Variants in DLX2 observed in about 807,000 individuals in gnomAD.
The protein encoded by DLX2 is homeobox protein DLX-2.
DLX2 carries 8 observed loss-of-function variants against 27.4 expected under a neutral mutation model. That is an observed-to-expected ratio of 0.29 (90% CI 0.17 to 0.53). The LOEUF (loss-of-function observed/expected upper bound fraction) is 0.53, where lower values mean the gene tolerates loss of function less well. Ranked by LOEUF, DLX2 falls within the 20% of genes least tolerant of loss-of-function variation. The probability of loss-of-function intolerance (pLI) is 0.96; values close to 1 mark genes in which losing one functional copy is unlikely to be tolerated. For missense variants in DLX2, 421 were observed against 450.9 expected (o/e 0.93, Z 0.60); for synonymous variants, 210 against 200.8 (o/e 1.05, Z -0.39).
intron 2 of DLX2, 151 bp downstream of exon 2, chr2:172,101,311 C>T: frequency 1.1e-6 from 1 of 948,120 alleles, no homozygotes; most frequent in Admixed American, 2.9e-5. Flanking sequence ...AGCTTTGGGC[C>T]TAGAAGCTTA....
Position 172,100,414 on chromosome 2 carries a change from C to A in DLX2, c.*129G>T. ...GGGAGTGAGCAGGGCCTGAGACGGG[C>A]CACTGCAGGTCGCAGCCTGCAGGAG... On this transcript the variant is annotated 3_prime_UTR_variant, in exon 3 of 3. Coordinates refer to ENST00000234198, the MANE Select transcript of DLX2 (RefSeq NM_004405.4). The surrounding 1 kb of genome is among the most constrained non-coding windows in gnomAD (Gnocchi z 4.5). 2 of 1,044,658 alleles carry A rather than the reference C, an allele frequency of 1.9e-6. No homozygotes were observed. The highest frequency in any genetic ancestry group is 1.8e-5 in the South Asian group (1 of 55,898). The allele number at this position is 1,044,658 out of a possible 1,614,324, so 64.7% of individuals were successfully genotyped here.
rs1458417247 is a variant in DLX2, at chr2:172,100,820, G to C, written c.710C>G (p.Ala237Gly). 2 of 1,610,284 alleles carry C rather than the reference G, an allele frequency of 1.2e-6. No homozygotes were observed. The highest frequency in any genetic ancestry group is 1.7e-6 in the Non-Finnish European group (2 of 1,178,718). Residue 237 changes from alanine to glycine, a missense_variant, in exon 3 of 3, where the codon GCG (alanine) becomes GGG (glycine). Ala to Gly is a moderately conservative substitution (Grantham distance 60, BLOSUM62 0). Coordinates refer to ENST00000234198, the MANE Select transcript of DLX2 (RefSeq NM_004405.4). This position sits in a 1 kb window ranked among gnomAD's most constrained non-coding sequence, Gnocchi z 4.5. ...CACACCAAAGTCCCAGGAGGCCGGCGCTGAGACTGGCGGCGAAGCACAAGG... is the reference window on the plus strand; with the variant it reads ...CACACCAAAGTCCCAGGAGGCCGGCCCTGAGACTGGCGGCGAAGCACAAGG... Reference protein sequence around the residue: ...SPPCASPPVSAPASWDFGVPQ... With the variant: ...SPPCASPPVSGPASWDFGVPQ...
Position 172,100,505 on chromosome 2 carries a change from G to A in DLX2, c.*38C>T, listed in dbSNP as rs756503007. 1 of 1,514,844 alleles carries A rather than the reference G, an allele frequency of 6.6e-7. No individual in the cohort carries two copies. The highest frequency in any genetic ancestry group is 8.8e-7 in the Non-Finnish European group (1 of 1,138,218). 93.8% of individuals were successfully genotyped at this position (1,514,844 alleles called of 1,614,324 possible). On this transcript the variant is annotated 3_prime_UTR_variant, in exon 3 of 3. Transcript: ENST00000234198. The surrounding 1 kb of genome is among the most constrained non-coding windows in gnomAD (Gnocchi z 4.5). ...CTCGGGGTAAGCAATGAGGATAAGT[G>A]GTCTCTGCTCTCAGTCTCTGGCGAG... is the stretch of plus-strand genomic sequence containing the variant.
chr2:172,099,993 G>A lies in DLX2; in HGVS notation c.*550C>T, dbSNP rs1377209229. 1.3e-5 allele frequency: 2 copies of A among 152,436 alleles called. No individual in the cohort carries two copies. The highest frequency in any genetic ancestry group is 2.9e-5 in the Non-Finnish European group (2 of 68,136). The allele number at this position is 152,436 out of a possible 1,614,324, so 9.4% of individuals were successfully genotyped here. A position where few individuals can be genotyped will look rare whatever the true frequency, so the allele number is the denominator to read the frequency against. ...GGAGCGCGGTGGGGGTAAGATAAGGGATGGGGGCTCCGAGGGCTGGGAACT... is the reference window on the plus strand; with the variant it reads ...GGAGCGCGGTGGGGGTAAGATAAGGAATGGGGGCTCCGAGGGCTGGGAACT... On this transcript the variant is annotated 3_prime_UTR_variant, in exon 3 of 3. Coordinates refer to ENST00000234198, the MANE Select transcript of DLX2 (RefSeq NM_004405.4).
Position 172,102,200 on chromosome 2 carries a change from G to A in DLX2, c.339C>T (p.Thr113=). ...AGGGAGCGTAGGAGGTGTAGGCGGC[G>A]GTGTAGCCCAGGTCATAGCTGCTCT... The part of the protein sequence containing the change: ...SAKSSYDLGY[T]AAYTSYAPYG... Residue 113 remains threonine (T), a synonymous_variant, in exon 1 of 3, where the codon ACC becomes ACT. Transcript: ENST00000234198. The A allele has an allele frequency of 1.2e-6, 2 of 1,614,210 alleles. No homozygotes were observed. The highest frequency in any genetic ancestry group is 1.3e-5 in the African/African-American group (1 of 75,060).
At position 172,101,590 on chromosome 2, in the gene DLX2, G is replaced by T; in HGVS notation, c.457C>A (p.Arg153=). The T allele has an allele frequency of 1.2e-6, 2 of 1,614,218 alleles. No homozygotes were observed. The highest frequency in any genetic ancestry group is 1.7e-6 in the Non-Finnish European group (2 of 1,180,030). ...CTGGAGTAGATGGTGCGGGGTTTCC[G>T]GACTTTCTTTGGCTTCCCGTTCACT... is the stretch of plus-strand genomic sequence containing the variant. ...RIVNGKPKKV[R]KPRTIYSSFQ... is the part of the protein sequence containing the mutation. The change falls in exon 2 of 3, where the codon CGG becomes AGG. Residue 153 remains arginine (R), a synonymous_variant. Transcript: ENST00000234198.
rs1175079445 is a variant in DLX2, at chr2:172,102,418, T to C, written c.121A>G (p.Ser41Gly). The C allele has an allele frequency of 1.9e-6, 3 of 1,549,916 alleles. No homozygotes were observed. In the East Asian group the frequency reaches 7.3e-5, roughly 38 times the overall value. Residue 41 changes from serine (S) to glycine (G), a missense_variant, in exon 1 of 3, where the codon AGC becomes GGC. This residue lies in a region of DLX2 where 53 missense variants were observed against 59.5 expected (regional missense o/e 0.89). Transcript: ENST00000234198. ...TTGTGGAGGCTGCTGCTGCTGCTGC[T>C]GTTGCCACCCGGGCCGGCGCCGCCG... ...SGGGAGPGGN[S>G]SSSSSLHKPQ...
At chr2:172,101,716 C>A in intron 1 of DLX2, 70 bp from the exon 2 acceptor site, 1 of 1,495,412 alleles carries the variant, frequency 6.7e-7, no homozygotes. Flanking sequence ...CCTAGAGGGC[C>A]CGGCGGGGGG....
In DLX2 at chr2:172,102,285, G is replaced by C; in HGVS notation, c.254C>G (p.Ala85Gly). Residue 85 changes from alanine (A) to glycine (G), a missense_variant, in exon 1 of 3, where the codon GCG (alanine) becomes GGG (glycine). Physicochemically the swap from Ala to Gly is moderately conservative, Grantham distance 60. Transcript: ENST00000234198. Reference protein sequence around the residue: ...GGGGGGGSPYAHMGSYQYQAS... With the variant: ...GGGGGGGSPYGHMGSYQYQAS... Reference sequence around the variant, plus strand: ...TTGGTACTGGTAGGAACCCATGTGCGCGTAGGGCGAGCCCCCGCCGCCGCC... The same window carrying C: ...TTGGTACTGGTAGGAACCCATGTGCCCGTAGGGCGAGCCCCCGCCGCCGCC... 6.2e-7 allele frequency: 1 copy of C among 1,612,982 alleles called. No homozygotes were observed. Among genetic ancestry groups the C allele is most frequent in the African/African-American group, 1.3e-5 (1 of 75,022 alleles).
At chr2:172,101,709 A>AG in intron 1 of DLX2, 63 bp from the exon 2 acceptor site, 1 of 1,503,754 alleles carries the variant, frequency 6.7e-7, no homozygotes, top group Non-Finnish European at 9.1e-7. Flanking sequence ...CCGCCCTCCT[A>AG]GAGGGCCCGG....
In DLX2 at chr2:172,100,987, T is replaced by C. The variant is rs1478109742; in HGVS notation, c.586-43A>G. 6.3e-7 allele frequency: 1 copy of C among 1,588,428 alleles called. No individual in the cohort carries two copies. On this transcript the variant is annotated intron_variant, in intron 2 of 2. Transcript: ENST00000234198. This position sits in a 1 kb window ranked among gnomAD's most constrained non-coding sequence, Gnocchi z 4.5. ...TGAGCATTAGTGGAGGAACCTAGTCTTGGGGCAGTAGGGGTTCGAAGAGGA... is the reference window on the plus strand; with the variant it reads ...TGAGCATTAGTGGAGGAACCTAGTCCTGGGGCAGTAGGGGTTCGAAGAGGA...
Position 172,100,216 on chromosome 2 carries a change from C to T in DLX2, c.*327G>A, listed in dbSNP as rs1691127138. ...CATCTCCCGGGACCCAGCTCTCAGC[C>T]CGGGGCGAGGAAGGCGCCAGACAGG... is the stretch of plus-strand genomic sequence containing the variant. On this transcript the variant is annotated 3_prime_UTR_variant, in exon 3 of 3. Coordinates refer to ENST00000234198, the MANE Select transcript of DLX2 (RefSeq NM_004405.4). The surrounding 1 kb of genome is among the most constrained non-coding windows in gnomAD (Gnocchi z 4.5). The T allele has an allele frequency of 3.6e-6, 1 of 275,558 alleles. No individual in the cohort carries two copies. Among genetic ancestry groups the T allele is most frequent in the Non-Finnish European group, 6.7e-6 (1 of 148,182 alleles). The allele number at this position is 275,558 out of a possible 1,614,324, so 17.1% of individuals were successfully genotyped here.
Position 172,099,761 on chromosome 2 carries a change from T to A in DLX2, c.*782A>T, listed in dbSNP as rs1402226304. On this transcript the variant is annotated 3_prime_UTR_variant, in exon 3 of 3. Transcript: ENST00000234198. ...TGCACAGACACCTTTATTTACAAAC[T>A]CTGTGTCCAAGTCCAGGCTAATAAT... The A allele has an allele frequency of 6.6e-6, 1 of 152,606 alleles. No individual in the cohort carries two copies. Among genetic ancestry groups the A allele is most frequent in the Non-Finnish European group, 1.5e-5 (1 of 68,036 alleles). 9.5% of individuals were successfully genotyped at this position (152,606 alleles called of 1,614,324 possible). A position where few individuals can be genotyped will look rare whatever the true frequency, so the allele number is the denominator to read the frequency against.
chr2:172,100,580 C>T lies in DLX2; in HGVS notation c.950G>A (p.Gly317Asp). 1 of 1,577,936 alleles carries T rather than the reference C, an allele frequency of 6.3e-7. No individual in the cohort carries two copies. Among genetic ancestry groups the T allele is most frequent in the East Asian group, 2.4e-5 (1 of 41,724 alleles). ...CCCCGCGCTCACCGGGGCGCCCCCG[C>T]CGCCGTGATGGTGGTGGTGGTGATG... ...QPHHHHHHHG[G>D]GGAPVSAGTI... Residue 317 changes from glycine to aspartate, a missense_variant, in exon 3 of 3, where the codon GGC (glycine) becomes GAC (aspartate). Around this residue, in one of 5 missense-constraint regions of DLX2, gnomAD observed 185 missense variants for 171.1 expected, o/e 1.08. Coordinates refer to ENST00000234198, the MANE Select transcript of DLX2 (RefSeq NM_004405.4). This position sits in a 1 kb window ranked among gnomAD's most constrained non-coding sequence, Gnocchi z 4.5.
chr2:172,102,817 G>T lies in DLX2; in HGVS notation c.-279C>A. On this transcript the variant is annotated 5_prime_UTR_variant, in exon 1 of 3. Coordinates refer to ENST00000234198, the MANE Select transcript of DLX2 (RefSeq NM_004405.4). Reference sequence around the variant, plus strand: ...CGGGCTCTGGCGGGGGGCGGGCAGTGGAGGGGGCAGGGGTGGCTGGGCCGG... The same window carrying T: ...CGGGCTCTGGCGGGGGGCGGGCAGTTGAGGGGGCAGGGGTGGCTGGGCCGG... 2.4e-6 allele frequency: 1 copy of T among 418,150 alleles called. No individual in the cohort carries two copies. Among genetic ancestry groups the T allele is most frequent in the African/African-American group, 2.1e-5 (1 of 47,206 alleles). The allele number at this position is 418,150 out of a possible 1,614,324, so 25.9% of individuals were successfully genotyped here.
In DLX2 at chr2:172,102,729, C is replaced by A. The variant is rs1306497838; in HGVS notation, c.-191G>T. ...GATCACCGTGCGCTGCTCGGGACAG[C>A]TGCCTCTGGTCGCATCCTCTTTCGG... On this transcript the variant is annotated 5_prime_UTR_variant, in exon 1 of 3. Coordinates refer to ENST00000234198, the MANE Select transcript of DLX2 (RefSeq NM_004405.4). The A allele has an allele frequency of 3.5e-6, 2 of 564,170 alleles. No individual in the cohort carries two copies. Among genetic ancestry groups the A allele is most frequent in the Non-Finnish European group, 6.0e-6 (2 of 332,518 alleles). 34.9% of individuals were successfully genotyped at this position (564,170 alleles called of 1,614,324 possible).
chr2:172,100,743 C>G lies in DLX2; in HGVS notation c.787G>C (p.Gly263Arg), dbSNP rs538274009. The G allele has an allele frequency of 1.1e-5, 17 of 1,549,770 alleles. No individual in the cohort carries two copies. Among genetic ancestry groups the G allele is most frequent in the Non-Finnish European group, 1.4e-5 (16 of 1,152,142 alleles). ...GGPGSGGSGA[G>R]SSGSSPSSAA... ...CTGCTCGGGCTGGAGCCCGAGCTGCCGGCGCCGCTGCCGCCACTGCCCGGA... is the reference window on the plus strand; with the variant it reads ...CTGCTCGGGCTGGAGCCCGAGCTGCGGGCGCCGCTGCCGCCACTGCCCGGA... The change falls in exon 3 of 3, where the codon GGC (glycine) becomes CGC (arginine). Residue 263 changes from glycine (G) to arginine (R), a missense_variant. Around this residue, in one of 5 missense-constraint regions of DLX2, gnomAD observed 185 missense variants for 171.1 expected, o/e 1.08. Coordinates refer to ENST00000234198, the MANE Select transcript of DLX2 (RefSeq NM_004405.4). This position sits in a 1 kb window ranked among gnomAD's most constrained non-coding sequence, Gnocchi z 4.5.
Position 172,099,624 on chromosome 2 carries a change from A to G in DLX2, c.*919T>C, listed in dbSNP as rs1184152524. 2 of 152,574 alleles carry G rather than the reference A, an allele frequency of 1.3e-5. No homozygotes were observed. Among genetic ancestry groups the G allele is most frequent in the Non-Finnish European group, 2.9e-5 (2 of 68,022 alleles). The allele number at this position is 152,574 out of a possible 1,614,324, so 9.5% of individuals were successfully genotyped here. Reference sequence around the variant, plus strand: ...CTGAAATGTTTTTAAAGGAAAAAATAAAAAGGAGGGGTTGCTGAGGTCACT... The same window carrying G: ...CTGAAATGTTTTTAAAGGAAAAAATGAAAAGGAGGGGTTGCTGAGGTCACT... On this transcript the variant is annotated 3_prime_UTR_variant, in exon 3 of 3. Coordinates refer to ENST00000234198, the MANE Select transcript of DLX2 (RefSeq NM_004405.4).
intron 2 of DLX2, 127 bp downstream of exon 2, chr2:172,101,335 G>T: frequency 8.8e-7 from 1 of 1,135,220 alleles, no homozygotes; most frequent in Non-Finnish European, 1.2e-6. Flanking sequence ...AGGGCCGCTC[G>T]AGGCGCAGGC....
Sources: allele counts gnomAD v4.1 joint callset, GRCh38; gene constraint gnomAD v4.1.1; regional missense constraint gnomAD v4.1.1; non-coding constraint Gnocchi (gnomAD v3.1); transcripts MANE v1.5; gene names NCBI Gene and HGNC (gene_info 2026-07-23, HGNC 2026-07-21).